Variants in ROBO2 observed in about 807,000 individuals in gnomAD.
ROBO2 encodes roundabout guidance receptor 2, also known as roundabout homolog 2.
A neutral mutation model predicts 160.8 loss-of-function variants in ROBO2; 53 were observed. That is an observed-to-expected ratio of 0.33 (90% CI 0.26 to 0.41). The LOEUF (loss-of-function observed/expected upper bound fraction) is 0.41. Ranked by LOEUF, ROBO2 falls within the 10% of genes least tolerant of loss-of-function variation. ROBO2 has a pLI of 1.00. For synonymous variants in ROBO2, 664 were observed against 611.7 expected, an observed-to-expected ratio of 1.09 and a Z score of -1.26; for missense variants, 1,577 against 1,722.4, an observed-to-expected ratio of 0.92 and a Z score of 1.49.
intron 2 of ROBO2, among the ~76,000 whole-genome samples, chr3:77,227,934 T>C (rs1046247916): frequency 3.5e-4 from 53 of 152,212 alleles, no homozygotes; most frequent in African/African-American, 1.3e-3. Context: ...AGTCCACATG[T>C]TGAAAATTAT....
At chr3:77,133,170 G>T (rs1312510321) in intron 2 of ROBO2, among the ~76,000 whole-genome samples, 1 of 152,116 alleles carries the variant, frequency 6.6e-6, no homozygotes. Context: ...AAAGTTTTTT[G>T]GGGGTCATTG....
chr3:76,545,371 A>G (rs2083039063), intron 2 of ROBO2, among the ~76,000 whole-genome samples: 1 of 151,942 alleles, frequency 6.6e-6, no homozygotes, highest in South Asian at 2.1e-4. Flanking sequence ...CGGTTAAGTC[A>G]TCACCTAGAA....
At chr3:76,490,627 G>C (rs2079767672) in intron 2 of ROBO2, among the ~76,000 whole-genome samples, 1 of 152,060 alleles carries the variant, frequency 6.6e-6, no homozygotes, top group South Asian at 2.1e-4. Flanking sequence ...TGATAAAATT[G>C]TTCATGGAAA....
intron 2 of ROBO2, among the ~76,000 whole-genome samples, chr3:77,333,154 A>G (rs2066149446): frequency 1.3e-5 from 2 of 152,220 alleles, no homozygotes; most frequent in South Asian, 2.1e-4. Flanking sequence ...CCAGTTTATT[A>G]TAATAGATTT....
chr3:76,033,657 C>T (rs992200331), intron 2 of ROBO2, among the ~76,000 whole-genome samples: 1 of 152,120 alleles, frequency 6.6e-6, no homozygotes, highest in African/African-American at 2.4e-5. Flanking sequence ...TTATTGGGTA[C>T]GATGTCATGA....
At chr3:77,249,251 G>A (rs927621406) in intron 2 of ROBO2, among the ~76,000 whole-genome samples, 2 of 152,130 alleles carry the variant, frequency 1.3e-5, no homozygotes, top group African/African-American at 4.8e-5. Flanking sequence ...ACCTGTAAAC[G>A]ACCTTATGAT....
At chr3:77,161,149 G>A (rs1560134330) in intron 2 of ROBO2, among the ~76,000 whole-genome samples, 1 of 152,140 alleles carries the variant, frequency 6.6e-6, no homozygotes, top group African/African-American at 2.4e-5. Context: ...ACTGCCTAGG[G>A]CATCTGGGTC....
intron 2 of ROBO2, among the ~76,000 whole-genome samples, chr3:76,339,920 C>T (rs1359091246): frequency 6.6e-6 from 1 of 151,916 alleles, no homozygotes; most frequent in African/African-American, 2.4e-5. Flanking sequence ...AAGTGCCTGT[C>T]TTACTACATA....
chr3:76,212,218 G>T (rs1207166736), intron 2 of ROBO2, among the ~76,000 whole-genome samples: 1 of 151,808 alleles, frequency 6.6e-6, no homozygotes. Context: ...ACATAATTCT[G>T]TGTTTAGTAT....
chr3:76,424,238 A>T (rs9858741), intron 2 of ROBO2, among the ~76,000 whole-genome samples: 90,897 of 152,048 alleles, frequency 0.6, 27,843 homozygotes, highest in African/African-American at 0.72. Context: ...TATGCAATGA[A>T]TTGAACAACT....
At chr3:76,481,048 A>G (rs1256395074) in intron 2 of ROBO2, among the ~76,000 whole-genome samples, 26 of 152,184 alleles carry the variant, frequency 1.7e-4, no homozygotes, top group Admixed American at 1.5e-3. Flanking sequence ...TAGATGAATC[A>G]TCTTCACTTT....
intron 2 of ROBO2, among the ~76,000 whole-genome samples, chr3:76,369,340 A>G (rs2075988093): frequency 6.6e-6 from 1 of 150,668 alleles, no homozygotes; most frequent in Non-Finnish European, 1.5e-5. Context: ...TTCTCTGGAG[A>G]CTCCTCTTGC....
chr3:77,580,385 A>G (rs572597874), intron 16 of ROBO2, among the ~76,000 whole-genome samples: 1 of 152,302 alleles, frequency 6.6e-6, no homozygotes, highest in East Asian at 1.9e-4. Flanking sequence ...CTTTTAATCA[A>G]TTGCCTCATT....
intron 8 of ROBO2, among the ~76,000 whole-genome samples, chr3:77,553,115 T>C (rs1175885289): frequency 1.3e-5 from 2 of 151,978 alleles, no homozygotes; most frequent in African/African-American, 2.4e-5. Context: ...ACTAACATCA[T>C]GTGCTCACAT....
Position 77,234,511 on chromosome 3 carries a change from T to C in ROBO2, c.388+136171T>C, listed in dbSNP as rs114683881. Among the ~76,000 whole-genome samples the C allele has an allele frequency of 5.1e-3, 776 of 152,072 alleles. 8 individuals carry two copies. The highest frequency in any genetic ancestry group is 0.018 in the African/African-American group (743 of 41,480). ...TAGGTGAATCGCACAGACAATCTGC[T>C]TTTTTTTCAGCAATCCTTGAAATGA... On this transcript the variant is annotated intron_variant, in intron 2 of 25. Transcript: ENST00000461745.
chr3:77,061,791 G>A (rs187257663), intron 1 of ROBO2, among the ~76,000 whole-genome samples: 103 of 152,172 alleles, frequency 6.8e-4, no homozygotes, highest in South Asian at 1.2e-3. Context: ...CTGAGTTCCG[G>A]GTGGAACCAA....
At chr3:76,666,112 T>A (rs5014924) in intron 2 of ROBO2, among the ~76,000 whole-genome samples, 4 of 148,490 alleles carry the variant, frequency 2.7e-5, no homozygotes, top group African/African-American at 7.4e-5. Flanking sequence ...TTCCTATAGC[T>A]GTAAATATAG....
intron 2 of ROBO2, among the ~76,000 whole-genome samples, chr3:77,278,915 A>G (rs2060063511): frequency 2.0e-5 from 3 of 152,122 alleles, no homozygotes; most frequent in Non-Finnish European, 2.9e-5. Flanking sequence ...AATTGTTCTA[A>G]TCGTAATCAT....
At chr3:76,319,296 G>C (rs993135249) in intron 2 of ROBO2, among the ~76,000 whole-genome samples, 4 of 152,174 alleles carry the variant, frequency 2.6e-5, no homozygotes, top group South Asian at 2.1e-4. Flanking sequence ...ACACAAAAGA[G>C]ATTTCTTGAC....
Sources: allele counts gnomAD v4.1 joint callset (sites outside exome capture counted in the v4.1 genomes callset), GRCh38; gene constraint gnomAD v4.1.1; transcripts MANE v1.5; gene names NCBI Gene and HGNC (gene_info 2026-07-23, HGNC 2026-07-21).